ARMH3: variants seen among roughly 807,000 people sequenced by gnomAD.
ARMH3 encodes armadillo-like helical domain-containing protein 3.
ARMH3 carries 60 observed loss-of-function variants against 99.1 expected under a neutral mutation model. The observed-to-expected ratio is 0.61, with a 90% CI of 0.49 to 0.75. The LOEUF (loss-of-function observed/expected upper bound fraction) is 0.75, where lower values mean the gene tolerates loss of function less well. ARMH3 is among the 30% of genes least tolerant of loss of function. The pLI is 0.00. For synonymous variants in ARMH3, 285 were observed against 292.8 expected (o/e 0.97, Z 0.27); for missense variants, 679 against 843.1 (o/e 0.81, Z 2.41).
At chr10:101,940,386 C>T (rs1366225983) in intron 22 of ARMH3, among the ~76,000 whole-genome samples, 1 of 152,014 alleles carries the variant, frequency 6.6e-6, no homozygotes, top group Non-Finnish European at 1.5e-5. Context: ...AACTCCTTAA[C>T]ATATAAACTC....
At chr10:101,881,566 GC>G (rs1367136895) in intron 24 of ARMH3, among the ~76,000 whole-genome samples, 7 of 151,984 alleles carry the variant, frequency 4.6e-5, no homozygotes, top group Non-Finnish European at 8.8e-5. Flanking sequence ...TTTTTTAACT[GC>G]AATTTTAAAA....
intron 22 of ARMH3, 110 bp downstream of exon 22, chr10:101,956,487 C>T (rs1845043104): frequency 1.4e-6 from 2 of 1,389,244 alleles, no homozygotes; most frequent in Non-Finnish European, 2.0e-6. Flanking sequence ...TATTTCTGTG[C>T]CACACAGGGC....
At chr10:101,964,142 C>G (rs11592028) in intron 20 of ARMH3, among the ~76,000 whole-genome samples, 1 of 152,148 alleles carries the variant, frequency 6.6e-6, no homozygotes, top group Non-Finnish European at 1.5e-5. Flanking sequence ...TCCCAAAGTG[C>G]TGGGACTGCA....
chr10:101,849,942 A>G (rs1174322307), intron 24 of ARMH3, 50 bp from the exon 25 acceptor site: 1 of 1,528,166 alleles, frequency 6.5e-7, no homozygotes, highest in Non-Finnish European at 9.1e-7. Flanking sequence ...AAATCCCACA[A>G]CCCTGAGCCC....
intron 20 of ARMH3, among the ~76,000 whole-genome samples, chr10:101,972,363 G>C (rs1845806925): frequency 6.6e-6 from 1 of 152,192 alleles, no homozygotes; most frequent in Admixed American, 6.5e-5. Flanking sequence ...AAGGGCTTTT[G>C]TGTGTCCAGT....
chr10:101,994,188 A>C (rs868764585), intron 16 of ARMH3, among the ~76,000 whole-genome samples: 38 of 152,312 alleles, frequency 2.5e-4, no homozygotes, highest in Non-Finnish European at 4.3e-4. Flanking sequence ...CTTTCCCAAT[A>C]CCTTTTCTGA....
At chr10:101,934,238 G>A (rs1564767425) in intron 23 of ARMH3, among the ~76,000 whole-genome samples, 1 of 152,126 alleles carries the variant, frequency 6.6e-6, no homozygotes, top group Non-Finnish European at 1.5e-5. Context: ...GTGTCTATGC[G>A]CGTGCACATG....
chr10:101,857,715 A>G (rs1317683948), intron 24 of ARMH3, among the ~76,000 whole-genome samples: 1 of 152,206 alleles, frequency 6.6e-6, no homozygotes, highest in Non-Finnish European at 1.5e-5. Context: ...AATGAGAATG[A>G]CCTACTCAGG....
chr10:101,990,038 G>A (rs562397825), intron 19 of ARMH3, among the ~76,000 whole-genome samples: 98 of 152,282 alleles, frequency 6.4e-4, no homozygotes, highest in Non-Finnish European at 1.2e-3. Flanking sequence ...GTGATCATGC[G>A]GATATGTGCA....
At chr10:101,961,123 A>G (rs1845281540) in intron 20 of ARMH3, among the ~76,000 whole-genome samples, 1 of 152,154 alleles carries the variant, frequency 6.6e-6, no homozygotes, top group Non-Finnish European at 1.5e-5. Flanking sequence ...TTAAAGTACA[A>G]GTATTTAATA....
chr10:101,961,408 A>G lies in ARMH3; in HGVS notation c.1496-3676T>C, dbSNP rs1845296027. Among the ~76,000 whole-genome samples the G allele has an allele frequency of 2.0e-5, 3 of 152,050 alleles. No individual in the cohort carries two copies. The South Asian group carries it at 6.2e-4, about 32-fold the overall frequency. On this transcript the variant is annotated intron_variant, in intron 20 of 25. Coordinates refer to ENST00000370033, the MANE Select transcript of ARMH3 (RefSeq NM_024541.3). ...AATTAGGTACTGCCAATGGAAGATG[A>G]TTGGATATGGACATTAAAGGGAGCC...
intron 24 of ARMH3, among the ~76,000 whole-genome samples, chr10:101,885,061 T>A (rs958096457): frequency 6.6e-6 from 1 of 152,128 alleles, no homozygotes. Flanking sequence ...CATGAAGAGA[T>A]GCTCAATATA....
rs971001765 is a variant in ARMH3 at position 101,918,733 on chromosome 10, C to G, written c.1781+21130G>C. On this transcript the variant is annotated intron_variant, in intron 23 of 25. Transcript: ENST00000370033. ...AGTAATTAATCACAGAAACACTAAG[C>G]AAAACAAATGGATTTCCCTTTAAGG... is the stretch of plus-strand genomic sequence containing the variant. Among the ~76,000 whole-genome samples, 9 of 152,126 alleles carry G rather than the reference C, an allele frequency of 5.9e-5. 1 individual carries two copies. The highest frequency in any genetic ancestry group is 1.3e-4 in the Non-Finnish European group (9 of 68,012).
intron 22 of ARMH3, among the ~76,000 whole-genome samples, chr10:101,955,860 T>C (rs1057396677): frequency 1.3e-5 from 2 of 152,242 alleles, no homozygotes; most frequent in African/African-American, 2.4e-5. Context: ...CGTACACATA[T>C]GTCAAGACTT....
chr10:101,938,975 A>T (rs933553655), intron 23 of ARMH3, among the ~76,000 whole-genome samples: 2 of 152,172 alleles, frequency 1.3e-5, no homozygotes, highest in African/African-American at 4.8e-5. Flanking sequence ...GGGACAGGGC[A>T]TTTTACCTTT....
At chr10:101,925,248 T>C (rs183847760) in intron 23 of ARMH3, among the ~76,000 whole-genome samples, 2 of 152,328 alleles carry the variant, frequency 1.3e-5, no homozygotes, top group South Asian at 2.1e-4. Context: ...TGCGTATAAA[T>C]AGTCTCCTTG....
chr10:101,982,594 G>A (rs2135959745), intron 19 of ARMH3, among the ~76,000 whole-genome samples: 1 of 152,250 alleles, frequency 6.6e-6, no homozygotes, highest in Middle Eastern at 3.4e-3. Context: ...GGTGAGCAAG[G>A]GAAACTTCAA....
At chr10:102,020,662 G>A (rs1256886291) in intron 8 of ARMH3, among the ~76,000 whole-genome samples, 1 of 149,574 alleles carries the variant, frequency 6.7e-6, no homozygotes, top group African/African-American at 2.5e-5. Flanking sequence ...CTCCAGCCTG[G>A]GCGACAGAGA....
chr10:101,933,470 C>T (rs1174473008), intron 23 of ARMH3, among the ~76,000 whole-genome samples: 1 of 152,202 alleles, frequency 6.6e-6, no homozygotes, highest in Non-Finnish European at 1.5e-5. Flanking sequence ...CATTTTGCAG[C>T]ATAAACCAAA....
Sources: gnomAD v4.1 joint callset for allele counts (sites outside exome capture counted in the v4.1 genomes callset) on GRCh38, gnomAD v4.1.1 for gene constraint, MANE v1.5 for transcripts, NCBI Gene and HGNC (gene_info 2026-07-23, HGNC 2026-07-21) for gene names.